Variants in NOL4L observed in about 807,000 individuals in gnomAD.
NOL4L encodes nucleolar protein 4-like.
A neutral mutation model predicts 64.5 loss-of-function variants in NOL4L; 7 were observed. That is an observed-to-expected ratio of 0.11 (90% confidence interval 0.06 to 0.20). The LOEUF (loss-of-function observed/expected upper bound fraction) is 0.20. NOL4L is among the 10% of genes least tolerant of loss of function. NOL4L has a pLI of 1.00. For missense variants in NOL4L, 680 were observed against 967.1 expected (o/e 0.70, Z 3.94); for synonymous variants, 413 against 401.0 (o/e 1.03, Z -0.36).
intron 1 of NOL4L, among the ~76,000 whole-genome samples, chr20:32,552,757 C>CT (rs1188526698): frequency 6.6e-6 from 1 of 152,192 alleles, no homozygotes; most frequent in Non-Finnish European, 1.5e-5. Context: ...AATCCCAGCA[C>CT]TTTGGGAGGC....
chr20:32,533,713 G>A (rs2018420746), intron 1 of NOL4L, among the ~76,000 whole-genome samples: 1 of 152,198 alleles, frequency 6.6e-6, no homozygotes, highest in South Asian at 2.1e-4. Context: ...AGATTTTTAA[G>A]TCCTCCCTGG....
At chr20:32,454,025 G>A (rs2013215033) in intron 6 of NOL4L, 1 of 477,462 alleles carries the variant, frequency 2.1e-6, no homozygotes. Context: ...CTGGTTCCCG[G>A]GGCTGCTGAG....
At chr20:32,452,130 A>G in intron 10 of NOL4L, 106 bp downstream of exon 10, 1 of 1,022,770 alleles carries the variant, frequency 9.8e-7, no homozygotes, top group Non-Finnish European at 1.3e-6. Context: ...GCCCCTTTCC[A>G]TCACTGGCCT....
At chr20:32,457,416 C>T (rs1600650583) in intron 5 of NOL4L, among the ~76,000 whole-genome samples, 1 of 152,268 alleles carries the variant, frequency 6.6e-6, no homozygotes, top group Admixed American at 6.5e-5. Context: ...GTGGTCACAG[C>T]GGGCCCTGCC....
intron 4 of NOL4L, among the ~76,000 whole-genome samples, chr20:32,490,218 A>G (rs1336820396): frequency 6.6e-6 from 1 of 151,724 alleles, no homozygotes; most frequent in African/African-American, 2.4e-5. Flanking sequence ...TAGGGCTAGC[A>G]TCCATCTCTA....
chr20:32,520,804 C>CT lies in NOL4L; in HGVS notation c.589+6dup. On this transcript the variant is annotated splice_region_variant and intron_variant, in intron 3 of 10. Coordinates refer to ENST00000621426, the MANE Select transcript of NOL4L (RefSeq NM_001256798.2). The stretch of plus-strand genomic sequence containing the variant: ...GCCCTAGCCCTCCAGCACGCCACCC[C>CT]TGCTACCTTTGGGTTCCAGGCCATT... The CT allele has an allele frequency of 6.5e-7, 1 of 1,536,674 alleles. No homozygotes were observed.
chr20:32,461,644 G>A (rs903784307), intron 5 of NOL4L, among the ~76,000 whole-genome samples: 3 of 151,086 alleles, frequency 2.0e-5, no homozygotes, highest in Admixed American at 6.6e-5. Flanking sequence ...GGATGGTCTC[G>A]ATCTCCTGAC....
intron 10 of NOL4L, among the ~76,000 whole-genome samples, chr20:32,451,146 AG>A (rs1431815682): frequency 6.6e-6 from 1 of 152,154 alleles, no homozygotes; most frequent in Non-Finnish European, 1.5e-5. Context: ...ACCTTGCACC[AG>A]GGTTCCCCAG....
At chr20:32,583,880 T>A (rs112157613) in intron 1 of NOL4L, among the ~76,000 whole-genome samples, 2 of 146,864 alleles carry the variant, frequency 1.4e-5, no homozygotes, top group African/African-American at 2.5e-5. Flanking sequence ...AGGTCAGGCC[T>A]CCCCCGTCCC....
chr20:32,525,685 A>G (rs1600831065), intron 2 of NOL4L, among the ~76,000 whole-genome samples: 1 of 152,234 alleles, frequency 6.6e-6, no homozygotes, highest in African/African-American at 2.4e-5. Flanking sequence ...GCCTCAAGCA[A>G]TCCTCCTGCC....
intron 1 of NOL4L, among the ~76,000 whole-genome samples, chr20:32,578,345 C>T (rs1363019648): frequency 6.6e-6 from 1 of 152,132 alleles, no homozygotes; most frequent in Non-Finnish European, 1.5e-5. Context: ...CACCAACTTC[C>T]AGCTGCTTCT....
intron 1 of NOL4L, chr20:32,548,864 C>T (rs2018764018): frequency 2.2e-6 from 1 of 448,878 alleles, no homozygotes; most frequent in Non-Finnish European, 4.5e-6. Flanking sequence ...TATGGTACAT[C>T]CATAAAATTG....
At chr20:32,527,715 A>G in intron 2 of NOL4L, 43 bp downstream of exon 2, 3 of 1,514,602 alleles carry the variant, frequency 2.0e-6, no homozygotes, top group Non-Finnish European at 1.8e-6. Flanking sequence ...CCTCCTGCCA[A>G]GGCCTGGGGC....
rs117707386 is a variant in NOL4L at position 32,461,463 on chromosome 20, C to T, written c.842-5068G>A. On this transcript the variant is annotated intron_variant, in intron 5 of 10. Coordinates refer to ENST00000621426, the MANE Select transcript of NOL4L (RefSeq NM_001256798.2). ...TTTGAGACGGAGTCTTGCTCTGTTG[C>T]TCAGGATGGAGTACGGTGGCGTGAT... Among the ~76,000 whole-genome samples, 317 of 136,352 alleles carry T rather than the reference C, an allele frequency of 2.3e-3. 3 individuals carry two copies. The East Asian group carries it at 0.025, about 11-fold the overall frequency. 89.5% of individuals were successfully genotyped at this position (136,352 alleles called of 152,430 possible).
intron 4 of NOL4L, among the ~76,000 whole-genome samples, chr20:32,507,087 G>A (rs1484024999): frequency 6.6e-6 from 1 of 152,174 alleles, no homozygotes; most frequent in Non-Finnish European, 1.5e-5. Context: ...GTGGGAGAAG[G>A]AGCACAGTTG....
intron 1 of NOL4L, among the ~76,000 whole-genome samples, chr20:32,555,489 G>C (rs111555957): frequency 5.3e-5 from 8 of 151,580 alleles, no homozygotes; most frequent in African/African-American, 1.9e-4. Context: ...ATAGAGATGA[G>C]GTCTCACTAT....
intron 4 of NOL4L, among the ~76,000 whole-genome samples, chr20:32,491,680 T>C (rs1272025831): frequency 1.3e-5 from 2 of 152,166 alleles, no homozygotes; most frequent in Admixed American, 6.5e-5. Flanking sequence ...GTAACTCCCA[T>C]GGGGCATGCA....
chr20:32,457,480 G>A (rs1376660639), intron 5 of NOL4L, among the ~76,000 whole-genome samples: 1 of 73,704 alleles, frequency 1.4e-5, no homozygotes, highest in Non-Finnish European at 2.5e-5. Flanking sequence ...CCTCCCAGCC[G>A]GCAGATTATG....
intron 1 of NOL4L, among the ~76,000 whole-genome samples, chr20:32,570,332 T>C (rs932538198): frequency 2.6e-5 from 4 of 152,140 alleles, no homozygotes; most frequent in African/African-American, 9.7e-5. Context: ...CATCACATCT[T>C]AGGCGCTGCG....
Sources: allele counts gnomAD v4.1 joint callset (sites outside exome capture counted in the v4.1 genomes callset), GRCh38; gene constraint gnomAD v4.1.1; transcripts MANE v1.5; gene names NCBI Gene and HGNC (gene_info 2026-07-23, HGNC 2026-07-21).